ZNF219: variants seen among roughly 807,000 people sequenced by gnomAD.
ZNF219 encodes zinc finger protein 219.
In ZNF219, 17 loss-of-function variants were observed where a neutral mutation model predicts 54.4. That is an observed-to-expected ratio of 0.31 (90% CI 0.21 to 0.47). ZNF219 has a LOEUF of 0.47. Among genes scored for constraint, ZNF219 ranks in the 20% least tolerant of loss-of-function variants. ZNF219 has a pLI of 1.00. For missense variants in ZNF219, 1,014 were observed against 1,062.3 expected (o/e 0.95, Z 0.63); for synonymous variants, 518 against 476.4 (o/e 1.09, Z -1.14).
At position 21,091,615 on chromosome 14, in the gene ZNF219, C is replaced by G. The variant is rs983647624; in HGVS notation, c.1433-73G>C. ...CAGGTGCCGCGCACCCACCCCACAC[C>G]CATCCCATAGGGCTGCTTCCCCTCG... On this transcript the variant is annotated intron_variant, in intron 3 of 4. Coordinates refer to ENST00000360947, the MANE Select transcript of ZNF219 (RefSeq NM_016423.3). 4.5e-6 allele frequency: 7 copies of G among 1,539,158 alleles called. No homozygotes were observed. In the South Asian group the frequency reaches 7.4e-5, roughly 16 times the overall value.
intron 1 of ZNF219, chr14:21,094,679 C>T (rs1293185565): frequency 1.4e-5 from 2 of 147,426 alleles, no homozygotes; most frequent in Non-Finnish European, 1.3e-5. Context: ...TTGCAGAGCT[C>T]CAGTGCTGGG....
Position 21,098,474 on chromosome 14 carries a change from C to T in ZNF219, c.-246G>A, listed in dbSNP as rs1395239607. The stretch of plus-strand genomic sequence containing the variant: ...CCCCCGCCCCCTCCCCGGTCCCCCG[C>T]CCCCGGCCCTGGCCCGCATTGTGTG... On this transcript the variant is annotated 5_prime_UTR_variant, in exon 1 of 5. Transcript: ENST00000360947. 1 of 976,336 alleles carries T rather than the reference C, an allele frequency of 1.0e-6. No individual in the cohort carries two copies. Among genetic ancestry groups the T allele is most frequent in the Non-Finnish European group, 1.2e-6 (1 of 823,538 alleles). The allele number at this position is 976,336 out of a possible 1,614,324, so 60.5% of individuals were successfully genotyped here.
chr14:21,103,449 G>C, upstream of ZNF219: 1 of 940,376 alleles, frequency 1.1e-6, no homozygotes, highest in South Asian at 1.8e-5. Flanking sequence ...ACCCTGAAAA[G>C]CTGCTTTCTC....
rs1399682678 is a variant in ZNF219, at chr14:21,090,237, T to C, written c.*299A>G. 2 of 644,226 alleles carry C rather than the reference T, an allele frequency of 3.1e-6. No homozygotes were observed. Among genetic ancestry groups the C allele is most frequent in the Admixed American group, 4.2e-5 (2 of 48,084 alleles). The allele number at this position is 644,226 out of a possible 1,614,324, so 39.9% of individuals were successfully genotyped here. ...GTACAAAAATAAACTCTCACGCCTA[T>C]GGACCAGCAAAGACTGGCAGAGTGG... On this transcript the variant is annotated 3_prime_UTR_variant, in exon 5 of 5. Coordinates refer to ENST00000360947, the MANE Select transcript of ZNF219 (RefSeq NM_016423.3). The surrounding 1 kb of genome is among the most constrained non-coding windows in gnomAD (Gnocchi z 4.4).
Position 21,098,345 on chromosome 14 carries a change from G to T in ZNF219, c.-117C>A. 3.5e-6 allele frequency: 1 copy of T among 285,216 alleles called. No homozygotes were observed. Among genetic ancestry groups the T allele is most frequent in the South Asian group, 1.2e-4 (1 of 8,276 alleles). 17.7% of individuals were successfully genotyped at this position (285,216 alleles called of 1,614,324 possible). The stretch of plus-strand genomic sequence containing the variant: ...GGCGGGCGGCGGCGGAGCGGGCGGC[G>T]GCGGCGGCGGCGGCGGCGGGCGGCG... On this transcript the variant is annotated 5_prime_UTR_variant, in exon 1 of 5. Coordinates refer to ENST00000360947, the MANE Select transcript of ZNF219 (RefSeq NM_016423.3).
Position 21,090,687 on chromosome 14 carries a change from G to T in ZNF219, c.2018C>A (p.Ala673Asp), listed in dbSNP as rs1395251896. 1 of 1,611,566 alleles carries T rather than the reference G, an allele frequency of 6.2e-7. No homozygotes were observed. Among genetic ancestry groups the T allele is most frequent in the Non-Finnish European group, 8.5e-7 (1 of 1,179,546 alleles). Reference protein sequence around the residue: ...LHLQVHHSRRARGRRPPQADA... With the variant: ...LHLQVHHSRRDRGRRPPQADA... Reference sequence around the variant, plus strand: ...AGCCTGGGGTGGCCGGCGGCCCCTAGCCCGGCGGCTGTGGTGCACTTGAAG... The same window carrying T: ...AGCCTGGGGTGGCCGGCGGCCCCTATCCCGGCGGCTGTGGTGCACTTGAAG... Residue 673 changes from alanine (A) to aspartate (D), a missense_variant, in exon 5 of 5, where the codon GCT becomes GAT. By Grantham distance (126) the Ala-to-Asp change is moderately radical. Coordinates refer to ENST00000360947, the MANE Select transcript of ZNF219 (RefSeq NM_016423.3). The surrounding 1 kb of genome is among the most constrained non-coding windows in gnomAD (Gnocchi z 4.4).
At position 21,091,993 on chromosome 14, in the gene ZNF219, G is replaced by T; in HGVS notation, c.1304C>A (p.Ala435Asp). The T allele has an allele frequency of 4.5e-6, 7 of 1,561,424 alleles. No individual in the cohort carries two copies. Among genetic ancestry groups the T allele is most frequent in the Non-Finnish European group, 6.1e-6 (7 of 1,153,310 alleles). ...EPEEEEEVVE[A>D]EEETWARGRS... ...GCCCCGGGCCCAGGTTTCCTCCTCG[G>T]CCTCCACCACCTCCTCTTCTTCCTC... Residue 435 changes from alanine to aspartate, a missense_variant, in exon 3 of 5, where the codon GCC (alanine) becomes GAC (aspartate). Physicochemically the swap from Ala to Asp is moderately radical, Grantham distance 126. Transcript: ENST00000360947.
Position 21,091,043 on chromosome 14 carries a change from G to A in ZNF219, c.1662C>T (p.Ser554=), listed in dbSNP as rs776800550. Residue 554 remains serine (S), a synonymous_variant, in exon 5 of 5, where the codon AGC becomes AGT. Transcript: ENST00000360947. ...CCGGGGGTGGCCCGGGGCCGGCCCC[G>A]CTCCTCTGCTCCCGGTGGTGGCGCT... is the stretch of plus-strand genomic sequence containing the variant. ...HLQRHHREQR[S]GAGPGPPPEP... 4.5e-6 allele frequency: 7 copies of A among 1,556,738 alleles called. No homozygotes were observed. In the Admixed American group the frequency reaches 5.6e-5, roughly 13 times the overall value.
Position 21,091,033 on chromosome 14 carries a change from G to A in ZNF219, c.1672C>T (p.Pro558Ser). ...HHREQRSGAGPGPPPEPPPPS... is the reference protein window; with the variant it reads ...HHREQRSGAGSGPPPEPPPPS... The stretch of plus-strand genomic sequence containing the variant: ...GGCGGTGGCTCCGGGGGTGGCCCGG[G>A]GCCGGCCCCGCTCCTCTGCTCCCGG... The change falls in exon 5 of 5, where the codon CCC becomes TCC. Residue 558 changes from proline to serine, a missense_variant. Around this residue, in one of 5 missense-constraint regions of ZNF219, gnomAD observed 281 missense variants for 271.2 expected, o/e 1.04. Coordinates refer to ENST00000360947, the MANE Select transcript of ZNF219 (RefSeq NM_016423.3). The A allele has an allele frequency of 6.4e-7, 1 of 1,553,628 alleles. No homozygotes were observed. Among genetic ancestry groups the A allele is most frequent in the African/African-American group, 1.4e-5 (1 of 73,776 alleles).
chr14:21,094,586 A>C lies in ZNF219; in HGVS notation c.-83-912T>G, dbSNP rs1889176511. ...GAGGGACGGGGGGCGGGGCTGGGCC[A>C]TCTGCACAGATAGGGACTCAGCACA... On this transcript the variant is annotated intron_variant, in intron 1 of 4. Transcript: ENST00000360947. 1.1e-5 allele frequency: 4 copies of C among 366,920 alleles called. No individual in the cohort carries two copies. The Admixed American group carries it at 1.4e-4, about 13-fold the overall frequency. The allele number at this position is 366,920 out of a possible 1,614,324, so 22.7% of individuals were successfully genotyped here. A position where few individuals can be genotyped will look rare whatever the true frequency, so the allele number is the denominator to read the frequency against.
upstream of ZNF219, chr14:21,101,887 T>G: frequency 6.4e-7 from 1 of 1,551,494 alleles, no homozygotes; most frequent in Non-Finnish European, 8.7e-7. Flanking sequence ...TGGCTGGCAG[T>G]GGTTGTGGTG....
chr14:21,091,565 A>C, intron 3 of ZNF219, 23 bp from the exon 4 acceptor site: 4 of 1,583,112 alleles, frequency 2.5e-6, no homozygotes, highest in Non-Finnish European at 3.5e-6. Flanking sequence ...CGTTAAGAGG[A>C]AGTCAGGGGG....
chr14:21,097,333 G>A (rs1889330634), intron 1 of ZNF219: 1 of 152,260 alleles, frequency 6.6e-6, no homozygotes, highest in Non-Finnish European at 1.5e-5. Context: ...CTCACCTGCT[G>A]CCATCCCACC....
intron 1 of ZNF219, among the ~76,000 whole-genome samples, chr14:21,097,881 C>T (rs1194092025): frequency 6.6e-6 from 1 of 151,954 alleles, no homozygotes; most frequent in Non-Finnish European, 1.5e-5. Flanking sequence ...CCCCCACCAG[C>T]CCTACCTGGG....
chr14:21,099,817 A>G (rs1027817693), upstream of ZNF219, among the ~76,000 whole-genome samples: 2 of 152,212 alleles, frequency 1.3e-5, no homozygotes, highest in Non-Finnish European at 2.9e-5. Flanking sequence ...AAGGGCACCT[A>G]GGTAGATCTG....
chr14:21,090,548 C>T lies in ZNF219; in HGVS notation c.2157G>A (p.Gly719=). ...LSRPGEAGLG[G]QER ...CCCTGAGGGCCCACTACCGTTCTTGCCCCCCCAGCCCTGCCTCTCCGGGTC... is the reference window on the plus strand; with the variant it reads ...CCCTGAGGGCCCACTACCGTTCTTGTCCCCCCAGCCCTGCCTCTCCGGGTC... The change falls in exon 5 of 5, where the codon GGG becomes GGA. Residue 719 remains glycine, a synonymous_variant. Transcript: ENST00000360947. This position sits in a 1 kb window ranked among gnomAD's most constrained non-coding sequence, Gnocchi z 4.4. 6.9e-6 allele frequency: 11 copies of T among 1,592,922 alleles called. No individual in the cohort carries two copies. Among genetic ancestry groups the T allele is most frequent in the South Asian group, 1.1e-5 (1 of 89,844 alleles).
chr14:21,091,266 G>C (rs1310736270), intron 4 of ZNF219, 126 bp from the exon 5 acceptor site: 2 of 1,507,480 alleles, frequency 1.3e-6, no homozygotes, highest in Non-Finnish European at 1.8e-6. Context: ...CACCCACTTT[G>C]ATTTAATAAA....
At chr14:21,094,436 T>C in intron 1 of ZNF219, 1 of 455,768 alleles carries the variant, frequency 2.2e-6, no homozygotes, top group South Asian at 1.5e-5. Flanking sequence ...GCCTGCAGTA[T>C]GATGGGGCAT....
At position 21,092,980 on chromosome 14, in the gene ZNF219, G is replaced by T; in HGVS notation, c.317C>A (p.Thr106Lys). Residue 106 changes from threonine (T) to lysine (K), a missense_variant, in exon 3 of 5, where the codon ACA (threonine) becomes AAA (lysine). Transcript: ENST00000360947. ...QRALLRSHLR[T>K]HQPERPRSPA... ...ACTACGTGGGCGCTCGGGCTGGTGT[G>T]TGCGCAGGTGCGAGCGCAGCAGAGC... is the stretch of plus-strand genomic sequence containing the variant. The T allele has an allele frequency of 6.3e-7, 1 of 1,596,520 alleles. No homozygotes were observed. The highest frequency in any genetic ancestry group is 8.5e-7 in the Non-Finnish European group (1 of 1,174,172).
Sources: gnomAD v4.1 joint callset for allele counts (sites outside exome capture counted in the v4.1 genomes callset) on GRCh38, gnomAD v4.1.1 for gene constraint, gnomAD v4.1.1 regional missense constraint, Gnocchi (gnomAD v3.1) non-coding constraint, MANE v1.5 for transcripts, NCBI Gene and HGNC (gene_info 2026-07-23, HGNC 2026-07-21) for gene names.